CRHR2: variants seen among roughly 807,000 people sequenced by gnomAD.
The protein encoded by CRHR2 is corticotropin releasing hormone receptor 2, also known as corticotropin-releasing hormone receptor 2.
A neutral mutation model predicts 57.9 loss-of-function variants in CRHR2; 53 were observed. The ratio of observed to expected loss-of-function variants is 0.92; its 90% CI spans 0.73 to 1.15. CRHR2 has a LOEUF of 1.15. CRHR2 is among the 50% of genes most tolerant of loss of function. The probability of loss-of-function intolerance (pLI) is 0.00; values close to 1 mark genes in which losing one functional copy is unlikely to be tolerated. For synonymous variants in CRHR2, 213 were observed against 220.9 expected (o/e 0.96, Z 0.32); for missense variants, 532 against 542.6 (o/e 0.98, Z 0.19).
chr7:30,662,947 G>A, intron 5 of CRHR2, 100 bp from the exon 6 acceptor site: 1 of 1,408,712 alleles, frequency 7.1e-7, no homozygotes, highest in Non-Finnish European at 9.5e-7. Context: ...TCCCCAAAGG[G>A]GGTTCGTGGA....
Position 30,681,896 on chromosome 7 carries a change from G to T in CRHR2, c.229+19C>A. 1.9e-6 allele frequency: 3 copies of T among 1,603,830 alleles called. No individual in the cohort carries two copies. Among genetic ancestry groups the T allele is most frequent in the Middle Eastern group, 3.3e-4 (2 of 6,014 alleles). On this transcript the variant is annotated intron_variant, in intron 2 of 11. Transcript: ENST00000471646. ...AGGAGGCCGGTGTAGAGCAGGCAGC[G>T]AGGGCCGGGGGCACTCACGGGTCGT...
At chr7:30,655,124 G>A (rs376621153) in intron 10 of CRHR2, 44 bp from the exon 11 acceptor site, 84 of 1,601,402 alleles carry the variant, frequency 5.2e-5, no homozygotes, top group African/African-American at 2.0e-4. Flanking sequence ...ACCTACCTGC[G>A]GAGCTGTTCT....
intron 2 of CRHR2, among the ~76,000 whole-genome samples, chr7:30,676,849 G>T (rs1000442020): frequency 3.3e-5 from 5 of 152,236 alleles, no homozygotes; most frequent in African/African-American, 1.2e-4. Flanking sequence ...GTTCTGGGAA[G>T]TGGGGACCCC....
At position 30,665,039 on chromosome 7, in the gene CRHR2, G is replaced by A. The variant is rs774840630; in HGVS notation, c.543+31C>T. On this transcript the variant is annotated intron_variant, in intron 5 of 11. Transcript: ENST00000471646. The surrounding 1 kb of genome is among the most constrained non-coding windows in gnomAD (Gnocchi z 4.5). ...TGCCCCCGGAGCCCAGAGCCCCCCA[G>A]GTATAGCCCCGAGTCTCCCCGAGCA... The A allele has an allele frequency of 7.6e-6, 12 of 1,587,522 alleles. No individual in the cohort carries two copies. The African/African-American group carries it at 1.6e-4, about 21-fold the overall frequency.
intron 1 of CRHR2, chr7:30,699,915 C>T: frequency 1.3e-6 from 2 of 1,494,178 alleles, no homozygotes; most frequent in Non-Finnish European, 1.8e-6. Flanking sequence ...TGGCGCCCCA[C>T]CTCGTGGACT....
At chr7:30,699,978 C>G in exon 1 of CRHR2, 1 of 1,485,676 alleles carries the variant, frequency 6.7e-7, no homozygotes, top group South Asian at 1.3e-5. Flanking sequence ...GCAGAGCAGG[C>G]AGAGGAGGAG....
chr7:30,671,834 GAT>G (rs1784367524), intron 2 of CRHR2, among the ~76,000 whole-genome samples: 1 of 147,392 alleles, frequency 6.8e-6, no homozygotes, highest in African/African-American at 2.6e-5. Flanking sequence ...TGATGATGAT[GAT>G]GATGATAATG....
chr7:30,696,565 CA>C (rs200761064), intron 1 of CRHR2, among the ~76,000 whole-genome samples: 1 of 150,806 alleles, frequency 6.6e-6, no homozygotes, highest in African/African-American at 2.4e-5. Context: ...ACTAAAAGTA[CA>C]AAAAAAAATT....
At position 30,665,086 on chromosome 7, in the gene CRHR2, A is replaced by C; in HGVS notation, c.527T>G (p.Val176Gly). Residue 176 changes from valine to glycine, a missense_variant, in exon 5 of 12, where the codon GTG becomes GGG. By Grantham distance (109) the Val-to-Gly change is moderately radical. Coordinates refer to ENST00000471646, the MANE Select transcript of CRHR2 (RefSeq NM_001883.5). This position sits in a 1 kb window ranked among gnomAD's most constrained non-coding sequence, Gnocchi z 4.5. ...AGCAATGACCTCATTGCTCTCGTGC[A>C]CTTCATGGTCAACGAGCTGCAGCAG... ...WFLLQLVDHE[V>G]HESNEVWCRC... 1 of 1,613,910 alleles carries C rather than the reference A, an allele frequency of 6.2e-7. No individual in the cohort carries two copies. Among genetic ancestry groups the C allele is most frequent in the Non-Finnish European group, 8.5e-7 (1 of 1,179,948 alleles).
chr7:30,682,132 G>T (rs1262847797), intron 1 of CRHR2, 46 bp downstream of exon 1: 1 of 1,535,014 alleles, frequency 6.5e-7, no homozygotes, highest in Admixed American at 2.1e-5. Context: ...CCCAGCGCGC[G>T]AGAGAAGGAG....
chr7:30,674,431 C>A (rs1187329206), intron 2 of CRHR2, among the ~76,000 whole-genome samples: 1 of 152,224 alleles, frequency 6.6e-6, no homozygotes, highest in East Asian at 1.9e-4. Flanking sequence ...GTGGCAGAAG[C>A]TGCCTTGGAA....
intron 1 of CRHR2, among the ~76,000 whole-genome samples, chr7:30,691,778 G>A (rs908081196): frequency 2.6e-5 from 4 of 152,188 alleles, no homozygotes; most frequent in Non-Finnish European, 1.5e-5. Flanking sequence ...GGCTTGTTTG[G>A]GTGGATTTGA....
intron 10 of CRHR2, 78 bp from the exon 11 acceptor site, chr7:30,655,158 C>A: frequency 1.1e-5 from 16 of 1,428,482 alleles, no homozygotes; most frequent in East Asian, 2.4e-5. Flanking sequence ...GCACTGGGGA[C>A]AAGATGGTGG....
intron 3 of CRHR2, 79 bp downstream of exon 3, chr7:30,667,149 C>G (rs773473422): frequency 1.9e-4 from 250 of 1,310,032 alleles, no homozygotes; most frequent in Non-Finnish European, 2.6e-4. Context: ...TGGTCTGCCC[C>G]CCTTGGGATC....
chr7:30,671,837 GA>G (rs1784367870), intron 2 of CRHR2, among the ~76,000 whole-genome samples: 1 of 147,236 alleles, frequency 6.8e-6, no homozygotes, highest in African/African-American at 2.6e-5. Context: ...TGATGATGAT[GA>G]TGATAATGAT....
intron 2 of CRHR2, among the ~76,000 whole-genome samples, chr7:30,676,990 C>T (rs936122160): frequency 5.3e-5 from 8 of 152,204 alleles, no homozygotes; most frequent in Non-Finnish European, 1.0e-4. Flanking sequence ...GGCTGAGGCT[C>T]AGCCAAGCTG....
At chr7:30,677,006 A>C (rs1784539493) in intron 2 of CRHR2, among the ~76,000 whole-genome samples, 1 of 152,200 alleles carries the variant, frequency 6.6e-6, no homozygotes, top group African/African-American at 2.4e-5. Context: ...AGCTGCACTT[A>C]GTGGTTCCAC....
chr7:30,695,380 C>G (rs944655193), intron 1 of CRHR2, among the ~76,000 whole-genome samples: 5 of 152,150 alleles, frequency 3.3e-5, no homozygotes, highest in African/African-American at 1.2e-4. Flanking sequence ...GGATGCCCCA[C>G]TCTTCCTTCC....
intron 6 of CRHR2, 108 bp downstream of exon 6, chr7:30,662,586 G>C (rs1242153034): frequency 3.7e-6 from 5 of 1,368,106 alleles, no homozygotes; most frequent in Non-Finnish European, 5.0e-6. Context: ...GACTGCGCTG[G>C]GGGTGGAGGG....
Sources: allele counts gnomAD v4.1 joint callset (sites outside exome capture counted in the v4.1 genomes callset), GRCh38; gene constraint gnomAD v4.1.1; non-coding constraint Gnocchi (gnomAD v3.1); transcripts MANE v1.5; gene names NCBI Gene and HGNC (gene_info 2026-07-23, HGNC 2026-07-21).